PDZRN4: variants seen among roughly 807,000 people sequenced by gnomAD.
The protein encoded by PDZRN4 is PDZ domain-containing RING finger protein 4.
In PDZRN4, 70 loss-of-function variants were observed where a neutral mutation model predicts 99.0. That is an observed-to-expected ratio of 0.71 (90% CI 0.58 to 0.86). The LOEUF (loss-of-function observed/expected upper bound fraction) is 0.86, where lower values mean the gene tolerates loss of function less well. PDZRN4 is among the 40% of genes least tolerant of loss of function. The pLI, the probability that PDZRN4 is intolerant of heterozygous loss-of-function variation, is 0.00. For synonymous variants in PDZRN4, 551 were observed against 501.6 expected, an observed-to-expected ratio of 1.10 and a Z score of -1.32; for missense variants, 1,474 against 1,331.2, an observed-to-expected ratio of 1.11 and a Z score of -1.67.
intron 3 of PDZRN4, among the ~76,000 whole-genome samples, chr12:41,215,517 A>G (rs1950914478): frequency 6.6e-6 from 1 of 152,062 alleles, no homozygotes; most frequent in Non-Finnish European, 1.5e-5. Flanking sequence ...AACAAAAAGT[A>G]TACAATTTTA....
chr12:41,299,710 T>C (rs1441809883), intron 3 of PDZRN4, among the ~76,000 whole-genome samples: 1 of 104,956 alleles, frequency 9.5e-6, no homozygotes, highest in Non-Finnish European at 2.4e-5. Context: ...GTTTTTACTT[T>C]ATAAAATTGA....
intron 3 of PDZRN4, among the ~76,000 whole-genome samples, chr12:41,402,304 CAG>C (rs71882576): frequency 0.99 from 1,744 of 1,760 alleles, 872 homozygotes; most frequent in Middle Eastern, 1. Flanking sequence ...TATATACACA[CAG>C]TGTGTATATA....
chr12:41,217,777 T>G (rs187865400), intron 3 of PDZRN4, among the ~76,000 whole-genome samples: 1 of 152,190 alleles, frequency 6.6e-6, no homozygotes, highest in South Asian at 2.1e-4. Flanking sequence ...TACTGTGAGC[T>G]GCCAACAAGA....
intron 3 of PDZRN4, among the ~76,000 whole-genome samples, chr12:41,484,336 T>G (rs1192814394): frequency 6.6e-6 from 1 of 152,240 alleles, no homozygotes; most frequent in Non-Finnish European, 1.5e-5. Flanking sequence ...TGTTGGCTTC[T>G]TCTTACTGCA....
At chr12:41,210,730 A>G (rs908145653) in intron 3 of PDZRN4, among the ~76,000 whole-genome samples, 1 of 152,022 alleles carries the variant, frequency 6.6e-6, no homozygotes, top group Non-Finnish European at 1.5e-5. Context: ...ACTTACCTAG[A>G]GTCCAAAATA....
At chr12:41,465,589 T>C (rs1952916980) in intron 3 of PDZRN4, among the ~76,000 whole-genome samples, 1 of 152,200 alleles carries the variant, frequency 6.6e-6, no homozygotes. Flanking sequence ...TCATTTATAG[T>C]CTCTTTGGTG....
chr12:41,407,401 TTAC>T (rs1952357841), intron 3 of PDZRN4, among the ~76,000 whole-genome samples: 1 of 152,198 alleles, frequency 6.6e-6, no homozygotes, highest in African/African-American at 2.4e-5. Flanking sequence ...AACAGCATAG[TTAC>T]CATGGCAACC....
chr12:41,524,839 G>T (rs1369126055), intron 5 of PDZRN4, among the ~76,000 whole-genome samples: 1 of 152,182 alleles, frequency 6.6e-6, no homozygotes, highest in Non-Finnish European at 1.5e-5. Context: ...TGGTAAGTAA[G>T]AGGTGATTGT....
At chr12:41,343,261 T>A (rs1951829722) in intron 3 of PDZRN4, among the ~76,000 whole-genome samples, 1 of 151,978 alleles carries the variant, frequency 6.6e-6, no homozygotes. Context: ...CCTTAAATGA[T>A]ATTTTGTATT....
intron 3 of PDZRN4, among the ~76,000 whole-genome samples, chr12:41,207,882 T>G (rs928150373): frequency 6.6e-6 from 1 of 151,836 alleles, no homozygotes; most frequent in Non-Finnish European, 1.5e-5. Flanking sequence ...ATGGAGTTGA[T>G]GGCTCCAACT....
intron 9 of PDZRN4, among the ~76,000 whole-genome samples, chr12:41,569,218 C>T (rs1416574440): frequency 6.6e-6 from 1 of 151,956 alleles, no homozygotes; most frequent in African/African-American, 2.4e-5. Flanking sequence ...CTCCTGGGCT[C>T]AAGCGATTCT....
At chr12:41,477,610 G>T (rs552539938) in intron 3 of PDZRN4, among the ~76,000 whole-genome samples, 3 of 152,102 alleles carry the variant, frequency 2.0e-5, no homozygotes, top group Non-Finnish European at 2.9e-5. Context: ...ATCAGCAAAA[G>T]GTTCTTTTTA....
At chr12:41,198,255 C>T (rs1487104077) in intron 3 of PDZRN4, among the ~76,000 whole-genome samples, 1 of 151,984 alleles carries the variant, frequency 6.6e-6, no homozygotes, top group Admixed American at 6.6e-5. Context: ...GCAGGCAATG[C>T]AACCATAACT....
At chr12:41,445,518 T>G (rs1430910870) in intron 3 of PDZRN4, among the ~76,000 whole-genome samples, 1 of 152,074 alleles carries the variant, frequency 6.6e-6, no homozygotes. Flanking sequence ...TAAGTAGATT[T>G]TCATATATTG....
chr12:41,366,223 A>G (rs1001675170), intron 3 of PDZRN4, among the ~76,000 whole-genome samples: 1 of 152,168 alleles, frequency 6.6e-6, no homozygotes, highest in Admixed American at 6.6e-5. Flanking sequence ...AAAGGTAGTT[A>G]AATAAGTAAT....
intron 3 of PDZRN4, among the ~76,000 whole-genome samples, chr12:41,282,208 C>G (rs1951390574): frequency 6.6e-6 from 1 of 151,978 alleles, no homozygotes; most frequent in Non-Finnish European, 1.5e-5. Flanking sequence ...GCAAAAAAAA[C>G]AGGGGTTGCA....
At chr12:41,315,363 G>T (rs1592008695) in intron 3 of PDZRN4, among the ~76,000 whole-genome samples, 1 of 151,826 alleles carries the variant, frequency 6.6e-6, no homozygotes, top group Middle Eastern at 3.4e-3. Flanking sequence ...TCCCACTCTT[G>T]TTTATTATAT....
Position 41,235,418 on chromosome 12 carries a change from A to AG in PDZRN4, c.843+41230_843+41231insG, listed in dbSNP as rs1413161756. 3.3e-5 allele frequency among the ~76,000 whole-genome samples: 5 copies of AG among 152,256 alleles called. No homozygotes were observed. In the East Asian group the frequency reaches 7.7e-4, roughly 24 times the overall value. On this transcript the variant is annotated intron_variant, in intron 3 of 9. Transcript: ENST00000402685. The stretch of plus-strand genomic sequence containing the variant: ...AGTTTTTCTTAGAAAATATTAAACT[A>AG]ACAAAGAAGATAAGCAATTATATTA...
chr12:41,489,510 A>T (rs906583773), intron 3 of PDZRN4, among the ~76,000 whole-genome samples: 8 of 152,310 alleles, frequency 5.3e-5, no homozygotes, highest in Non-Finnish European at 1.0e-4. Context: ...GTAATGGAGC[A>T]GTAGATGAAC....
Sources: gnomAD v4.1 joint callset for allele counts (sites outside exome capture counted in the v4.1 genomes callset) on GRCh38, gnomAD v4.1.1 for gene constraint, MANE v1.5 for transcripts, NCBI Gene and HGNC (gene_info 2026-07-23, HGNC 2026-07-21) for gene names.